The following REV3L variants were observed in gnomAD, a reference collection of about 807,000 sequenced individuals.
REV3L encodes the protein DNA polymerase zeta catalytic subunit.
A neutral mutation model predicts 299.4 loss-of-function variants in REV3L; 69 were observed. The observed-to-expected ratio is 0.23, with a 90% CI of 0.19 to 0.28. The LOEUF (loss-of-function observed/expected upper bound fraction) is 0.28, where lower values mean the gene tolerates loss of function less well. REV3L is among the 10% of genes least tolerant of loss of function. The pLI is 1.00. For synonymous variants in REV3L, 1,238 were observed against 1,271.4 expected, an observed-to-expected ratio of 0.97 and a Z score of 0.56; for missense variants, 3,128 against 3,693.8, an observed-to-expected ratio of 0.85 and a Z score of 3.97.
intron 1 of REV3L, among the ~76,000 whole-genome samples, chr6:111,470,522 C>T (rs974629341): frequency 6.6e-6 from 1 of 152,152 alleles, no homozygotes; most frequent in Non-Finnish European, 1.5e-5. Flanking sequence ...GGCACACAGT[C>T]CTTAATAAAC....
intron 30 of REV3L, chr6:111,308,017 T>C: frequency 3.2e-6 from 1 of 310,806 alleles, no homozygotes; most frequent in Non-Finnish European, 6.3e-6. Context: ...TTCCCACCTA[T>C]GAGTGAGAAC....
At chr6:111,469,296 G>C (rs938110317) in intron 1 of REV3L, among the ~76,000 whole-genome samples, 2 of 152,162 alleles carry the variant, frequency 1.3e-5, no homozygotes, top group Non-Finnish European at 2.9e-5. Context: ...TGAGTTGAAT[G>C]AAACTAAGAA....
At chr6:111,420,275 G>A (rs963848899) in intron 1 of REV3L, among the ~76,000 whole-genome samples, 21 of 152,076 alleles carry the variant, frequency 1.4e-4, no homozygotes, top group African/African-American at 4.8e-4. Context: ...CATATATATG[G>A]TATACAACAT....
intron 1 of REV3L, among the ~76,000 whole-genome samples, chr6:111,424,453 T>G (rs543209135): frequency 6.6e-6 from 1 of 152,286 alleles, no homozygotes; most frequent in Non-Finnish European, 1.5e-5. Flanking sequence ...ACTCTGGAAA[T>G]TAAAGGTTTG....
At chr6:111,437,500 C>T (rs138075937) in intron 1 of REV3L, among the ~76,000 whole-genome samples, 4,305 of 150,854 alleles carry the variant, frequency 0.029, 74 homozygotes, top group South Asian at 0.079. Context: ...TAATTTTTAG[C>T]ATTTTTAGTA....
At chr6:111,404,294 A>G (rs981137715) in intron 4 of REV3L, among the ~76,000 whole-genome samples, 2 of 152,214 alleles carry the variant, frequency 1.3e-5, no homozygotes, top group African/African-American at 4.8e-5. Flanking sequence ...GAATATTTTA[A>G]GCCCATTTTT....
chr6:111,371,530 AC>A (rs1200826743), intron 13 of REV3L, among the ~76,000 whole-genome samples: 1 of 149,970 alleles, frequency 6.7e-6, no homozygotes, highest in African/African-American at 2.5e-5. Context: ...AGCTGGGACC[AC>A]AGGTGCATGC....
chr6:111,405,548 G>T lies in REV3L; in HGVS notation c.487C>A (p.Leu163Ile). 1 of 1,606,392 alleles carries T rather than the reference G, an allele frequency of 6.2e-7. No homozygotes were observed. Among genetic ancestry groups the T allele is most frequent in the East Asian group, 2.3e-5 (1 of 44,324 alleles). The change falls in exon 4 of 32, where the codon CTC (leucine) becomes ATC (isoleucine). Residue 163 changes from leucine (L) to isoleucine (I), a missense_variant. Leu to Ile is a conservative substitution (Grantham distance 5, BLOSUM62 2). Around this residue, in one of 9 missense-constraint regions of REV3L, gnomAD observed 2,409 missense variants for 2,611.8 expected, o/e 0.92. Coordinates refer to ENST00000368802, the MANE Select transcript of REV3L (RefSeq NM_001372078.1). ...CCATAAAGATTGTAGTCAATGAAGA[G>T]CTGTAGGAGGTAGGGAATATGCGCT... The part of the protein sequence containing the change: ...HEAHIPYLLQ[L>I]FIDYNLYGMN...
chr6:111,371,319 C>A (rs1213089433), intron 13 of REV3L, among the ~76,000 whole-genome samples: 1 of 152,138 alleles, frequency 6.6e-6, no homozygotes, highest in African/African-American at 2.4e-5. Flanking sequence ...GATAAATAAA[C>A]CAGTACTCTG....
chr6:111,374,732 G>A lies in REV3L; in HGVS notation c.3623C>T (p.Pro1208Leu), dbSNP rs373174354. Reference protein sequence around the residue: ...NKLVDDGKKKPRAKQKTNEKG... With the variant: ...NKLVDDGKKKLRAKQKTNEKG... ...CTCATTTGTTTTTTGTTTTGCTCTT[G>A]GTTTCTTTTTTCCATCATCTACTAG... Residue 1208 changes from proline (P) to leucine (L), a missense_variant, in exon 13 of 32, where the codon CCA becomes CTA. Around this residue, in one of 9 missense-constraint regions of REV3L, gnomAD observed 2,409 missense variants for 2,611.8 expected, o/e 0.92. Transcript: ENST00000368802. The A allele has an allele frequency of 1.2e-6, 2 of 1,612,370 alleles. No individual in the cohort carries two copies. Among genetic ancestry groups the A allele is most frequent in the Admixed American group, 1.7e-5 (1 of 59,910 alleles).
At chr6:111,350,236 T>C (rs1777450903) in intron 19 of REV3L, among the ~76,000 whole-genome samples, 1 of 152,152 alleles carries the variant, frequency 6.6e-6, no homozygotes, top group Non-Finnish European at 1.5e-5. Context: ...GTAAGAAAAC[T>C]AGTATTCTAA....
chr6:111,482,591 C>T (rs1176080434), intron 1 of REV3L, among the ~76,000 whole-genome samples, 159 bp downstream of exon 1: 1 of 151,752 alleles, frequency 6.6e-6, no homozygotes, highest in Non-Finnish European at 1.5e-5. Context: ...TCTTGTCACG[C>T]ACGAGAGAAA....
At chr6:111,389,363 G>A (rs1348354279) in intron 6 of REV3L, among the ~76,000 whole-genome samples, 153 bp from the exon 7 acceptor site, 1 of 152,068 alleles carries the variant, frequency 6.6e-6, no homozygotes, top group Non-Finnish European at 1.5e-5. Flanking sequence ...CACTTACTAT[G>A]TTACTCCTTT....
In REV3L at chr6:111,374,841, C is replaced by A; in HGVS notation, c.3514G>T (p.Ala1172Ser). ...TTTGCTTTTGATTTCTTAATCTGTGCTCTTGCGCGACTAGTTTTTCCTATA... is the reference window on the plus strand; with the variant it reads ...TTTGCTTTTGATTTCTTAATCTGTGATCTTGCGCGACTAGTTTTTCCTATA... The part of the protein sequence containing the change: ...SRIGKTSRAR[A>S]QIKKSKAKLA... Residue 1172 changes from alanine (A) to serine (S), a missense_variant, in exon 13 of 32, where the codon GCA becomes TCA. Transcript: ENST00000368802. 1 of 1,613,746 alleles carries A rather than the reference C, an allele frequency of 6.2e-7. No homozygotes were observed. The highest frequency in any genetic ancestry group is 8.5e-7 in the Non-Finnish European group (1 of 1,179,886).
rs181801672 is a variant in REV3L, at chr6:111,351,592, A to G, written c.7300+84T>C. On this transcript the variant is annotated intron_variant, in intron 19 of 31. Transcript: ENST00000368802. Reference sequence around the variant, plus strand: ...TAGTACTAAAAAATTGGGCTACAGCATAAGTACTCTTTAACATTCTGTCTT... The same window carrying G: ...TAGTACTAAAAAATTGGGCTACAGCGTAAGTACTCTTTAACATTCTGTCTT... The G allele has an allele frequency of 3.9e-4, 403 of 1,029,232 alleles. 2 individuals carry two copies. The African/African-American group carries it at 4.5e-3, about 11-fold the overall frequency. 63.8% of individuals were successfully genotyped at this position (1,029,232 alleles called of 1,614,324 possible). A position where few individuals can be genotyped will look rare whatever the true frequency, so the allele number is the denominator to read the frequency against.
intron 1 of REV3L, among the ~76,000 whole-genome samples, chr6:111,432,206 G>C (rs549699955): frequency 6.6e-6 from 1 of 152,216 alleles, no homozygotes; most frequent in Non-Finnish European, 1.5e-5. Context: ...AGTTTACTTG[G>C]CAACAGTAAC....
Position 111,374,997 on chromosome 6 carries a change from G to T in REV3L, c.3358C>A (p.Pro1120Thr). 4 of 1,613,204 alleles carry T rather than the reference G, an allele frequency of 2.5e-6. No homozygotes were observed. The highest frequency in any genetic ancestry group is 1.3e-5 in the African/African-American group (1 of 75,014). Reference protein sequence around the residue: ...LGFLSERSTSPINSSPPRCWS... With the variant: ...LGFLSERSTSTINSSPPRCWS... The stretch of plus-strand genomic sequence containing the variant: ...CAGCGAGGTGGAGAAGAATTTATGG[G>T]ACTTGTGCTTCTCTCAGAAAGAAAA... Residue 1120 changes from proline (P) to threonine (T), a missense_variant, in exon 13 of 32, where the codon CCC becomes ACC. By Grantham distance (38) the Pro-to-Thr change is conservative. This residue lies in a region of REV3L where 2,409 missense variants were observed against 2,611.8 expected (regional missense o/e 0.92). Transcript: ENST00000368802.
intron 1 of REV3L, among the ~76,000 whole-genome samples, chr6:111,427,811 A>C (rs779978547): frequency 1.3e-5 from 2 of 152,102 alleles, no homozygotes; most frequent in Non-Finnish European, 2.9e-5. Flanking sequence ...CCTGAAAACC[A>C]CCAGAAATAA....
chr6:111,354,728 A>C (rs149703390), intron 18 of REV3L, among the ~76,000 whole-genome samples: 1 of 152,184 alleles, frequency 6.6e-6, no homozygotes, highest in East Asian at 1.9e-4. Context: ...AGGTTTCTGA[A>C]AGTTACAGAA....
Sources: gnomAD v4.1 joint callset for allele counts (sites outside exome capture counted in the v4.1 genomes callset) on GRCh38, gnomAD v4.1.1 for gene constraint, gnomAD v4.1.1 regional missense constraint, MANE v1.5 for transcripts, NCBI Gene and HGNC (gene_info 2026-07-23, HGNC 2026-07-21) for gene names.